The following RARB variants were observed in gnomAD, a reference collection of about 807,000 sequenced individuals.
RARB encodes the protein HBV-activated protein.
In RARB, 17 loss-of-function variants were observed where a neutral mutation model predicts 51.9. The observed-to-expected ratio is 0.33, with a 90% CI of 0.22 to 0.49. The LOEUF is 0.49. RARB is among the 20% of genes least tolerant of loss of function. RARB has a pLI of 0.99. For synonymous variants in RARB, 215 were observed against 195.4 expected (o/e 1.10, Z -0.84); for missense variants, 369 against 550.8 (o/e 0.67, Z 3.30).
chr3:25,149,701 G>A (rs1389421011), intron 4 of RARB, among the ~76,000 whole-genome samples: 4 of 152,156 alleles, frequency 2.6e-5, no homozygotes, highest in African/African-American at 9.7e-5. Flanking sequence ...TTAGATGCAT[G>A]TATAACGTAC....
At chr3:25,355,497 G>C (rs1450076559) in intron 5 of RARB, among the ~76,000 whole-genome samples, 3 of 151,934 alleles carry the variant, frequency 2.0e-5, no homozygotes, top group Non-Finnish European at 4.4e-5. Context: ...TATTTGGCTG[G>C]AGTTTGTTTG....
intron 3 of RARB, among the ~76,000 whole-genome samples, chr3:25,535,948 C>G (rs1699123093): frequency 6.6e-6 from 1 of 152,126 alleles, no homozygotes; most frequent in Admixed American, 6.5e-5. Context: ...GTAGCCCCAC[C>G]TTCCATCGTA....
chr3:25,265,958 C>T (rs1703115482), intron 5 of RARB, among the ~76,000 whole-genome samples: 1 of 152,146 alleles, frequency 6.6e-6, no homozygotes, highest in African/African-American at 2.4e-5. Context: ...AATTCCTTCA[C>T]CTCAAAGCTG....
rs549504064 is a variant in RARB at position 24,910,432 on chromosome 3, CAT to C, written c.-380+51681_-380+51682del. 2.8e-3 allele frequency among the ~76,000 whole-genome samples: 423 copies of C among 152,224 alleles called. 1 individual carries two copies. Among genetic ancestry groups the C allele is most frequent in the African/African-American group, 9.2e-3 (383 of 41,530 alleles). ...AAATAAACACAAAATAATTGGATGA[CAT>C]GTTTTGATAAATATAGAGTAAATAT... is the stretch of plus-strand genomic sequence containing the variant. On this transcript the variant is annotated intron_variant, in intron 2 of 11. Transcript: ENST00000383772.
chr3:25,340,506 T>C (rs536886673), intron 5 of RARB, among the ~76,000 whole-genome samples: 1 of 152,312 alleles, frequency 6.6e-6, no homozygotes, highest in South Asian at 2.1e-4. Flanking sequence ...TTCTTATGCC[T>C]CTGGTTTTAT....
chr3:24,943,826 G>A (rs1324960824), intron 2 of RARB, among the ~76,000 whole-genome samples: 1 of 152,150 alleles, frequency 6.6e-6, no homozygotes, highest in Non-Finnish European at 1.5e-5. Flanking sequence ...TGAAAACTTA[G>A]CATTCAGTGA....
intron 3 of RARB, among the ~76,000 whole-genome samples, chr3:25,121,683 C>A (rs79593265): frequency 0.018 from 2,746 of 152,142 alleles, 67 homozygotes; most frequent in African/African-American, 0.053. Context: ...ATTTTGATAT[C>A]CAGTAACTTG....
chr3:25,278,297 G>A (rs1016344936), intron 5 of RARB, among the ~76,000 whole-genome samples: 5 of 152,178 alleles, frequency 3.3e-5, no homozygotes, highest in Admixed American at 1.3e-4. Flanking sequence ...AATAATGTAT[G>A]TGAAACTTTT....
chr3:25,248,216 C>T (rs1046402200), intron 5 of RARB, among the ~76,000 whole-genome samples: 1 of 152,082 alleles, frequency 6.6e-6, no homozygotes, highest in African/African-American at 2.4e-5. Flanking sequence ...TTTTCATATT[C>T]ATCCAATATC....
chr3:25,133,223 T>A (rs935291431), intron 4 of RARB, among the ~76,000 whole-genome samples: 1 of 152,108 alleles, frequency 6.6e-6, no homozygotes, highest in East Asian at 1.9e-4. Context: ...AACTTGAACG[T>A]CTCCACATTT....
chr3:25,361,602 C>T (rs780845154), intron 5 of RARB, among the ~76,000 whole-genome samples: 1 of 152,074 alleles, frequency 6.6e-6, no homozygotes, highest in Non-Finnish European at 1.5e-5. Context: ...TGCCAGTTTT[C>T]CTCATCTTCA....
At chr3:25,186,714 T>C (rs1700984714) in intron 5 of RARB, among the ~76,000 whole-genome samples, 2 of 152,114 alleles carry the variant, frequency 1.3e-5, no homozygotes, top group Admixed American at 6.6e-5. Context: ...CCAACATTTT[T>C]ATAAATTGTA....
intron 4 of RARB, among the ~76,000 whole-genome samples, chr3:25,570,322 C>T (rs112377334): frequency 1.1e-4 from 17 of 152,298 alleles, no homozygotes; most frequent in Middle Eastern, 3.4e-3. Context: ...GACCTCTGTA[C>T]GGAGGGACCC....
chr3:24,862,338 A>C (rs1702768073), intron 2 of RARB, among the ~76,000 whole-genome samples: 1 of 152,220 alleles, frequency 6.6e-6, no homozygotes, highest in Non-Finnish European at 1.5e-5. Context: ...ATCTTCAAGG[A>C]AACGAATGTC....
chr3:25,376,062 C>T (rs1706450892), intron 5 of RARB, among the ~76,000 whole-genome samples: 1 of 152,214 alleles, frequency 6.6e-6, no homozygotes, highest in Non-Finnish European at 1.5e-5. Flanking sequence ...ATAGGGAGTA[C>T]TCTGTAAATG....
At chr3:25,091,293 T>C (rs1374044538) in intron 3 of RARB, among the ~76,000 whole-genome samples, 3 of 152,164 alleles carry the variant, frequency 2.0e-5, no homozygotes, top group Non-Finnish European at 4.4e-5. Flanking sequence ...CACATCTCTT[T>C]ATGACAAAGG....
intron 4 of RARB, among the ~76,000 whole-genome samples, chr3:25,577,659 A>G (rs1174600902): frequency 6.6e-6 from 1 of 152,242 alleles, no homozygotes; most frequent in Non-Finnish European, 1.5e-5. Flanking sequence ...AGTGGGATTT[A>G]AAGATGCTGG....
chr3:25,242,642 G>T (rs1702460832), intron 5 of RARB, among the ~76,000 whole-genome samples: 1 of 151,944 alleles, frequency 6.6e-6, no homozygotes, highest in African/African-American at 2.4e-5. Context: ...ATTTCTGAGG[G>T]CTCTGTTCTG....
At chr3:24,950,995 G>A (rs975489989) in intron 2 of RARB, among the ~76,000 whole-genome samples, 3 of 152,244 alleles carry the variant, frequency 2.0e-5, no homozygotes, top group East Asian at 1.9e-4. Context: ...CCAGTTGCAG[G>A]ACTGGGAGAA....
Sources: allele counts gnomAD v4.1 joint callset (sites outside exome capture counted in the v4.1 genomes callset), GRCh38; gene constraint gnomAD v4.1.1; transcripts MANE v1.5; gene names NCBI Gene and HGNC (gene_info 2026-07-23, HGNC 2026-07-21).